BANF1: variants seen among roughly 807,000 people sequenced by gnomAD.
BANF1 encodes the protein barrier to autointegration nuclear assembly factor 1.
For missense variants in BANF1, 47 were observed against 110.4 expected, an observed-to-expected ratio of 0.43 and a Z score of 2.57; for synonymous variants, 49 against 43.7, an observed-to-expected ratio of 1.12 and a Z score of -0.48.
rs1856075263 is a variant in BANF1 at position 66,003,888 on chromosome 11, G to A, written c.*116G>A. The A allele has an allele frequency of 2.1e-6, 3 of 1,447,630 alleles. No individual in the cohort carries two copies. Among genetic ancestry groups the A allele is most frequent in the Admixed American group, 1.9e-5 (1 of 53,034 alleles). 89.7% of individuals were successfully genotyped at this position (1,447,630 alleles called of 1,614,324 possible). ...TGCTATTGTCGTACTCACCTCCGACGTACTCCGGGGTCTTTTGGGAGTTTT... is the reference window on the plus strand; with the variant it reads ...TGCTATTGTCGTACTCACCTCCGACATACTCCGGGGTCTTTTGGGAGTTTT... On this transcript the variant is annotated 3_prime_UTR_variant, in exon 3 of 3. Coordinates refer to ENST00000312175, the MANE Select transcript of BANF1 (RefSeq NM_003860.4).
rs1856032670 is a variant in BANF1 at position 66,002,837 on chromosome 11, T to A, written c.-17+267T>A. On this transcript the variant is annotated intron_variant, in intron 1 of 2. Coordinates refer to ENST00000312175, the MANE Select transcript of BANF1 (RefSeq NM_003860.4). ...AGCGCTAGGTGTGCGCTTCGCCCTG[T>A]AGGTAGAGAGACCCTTTGGTTAGCT... 27 of 289,302 alleles carry A rather than the reference T, an allele frequency of 9.3e-5. 1 individual carries two copies. Among genetic ancestry groups the A allele is most frequent in the South Asian group, 8.4e-4 (27 of 32,004 alleles). 17.9% of individuals were successfully genotyped at this position (289,302 alleles called of 1,614,324 possible).
chr11:66,003,822 C>T lies in BANF1; in HGVS notation c.*50C>T, dbSNP rs779603619. 8.7e-6 allele frequency: 14 copies of T among 1,611,650 alleles called. 1 individual carries two copies. In the Middle Eastern group the frequency reaches 2.0e-3, roughly 236 times the overall value. ...CCAGCCCTCATCCAGAGTTTGCAGC[C>T]GAGTAGGGACTCCTCCCCTGTCCTC... On this transcript the variant is annotated 3_prime_UTR_variant, in exon 3 of 3. Coordinates refer to ENST00000312175, the MANE Select transcript of BANF1 (RefSeq NM_003860.4).
chr11:66,003,471 T>A, intron 2 of BANF1, 98 bp downstream of exon 2: 1 of 1,608,294 alleles, frequency 6.2e-7, no homozygotes, highest in Non-Finnish European at 8.5e-7. Context: ...CTGAAGAGGC[T>A]GCCAGAGCCT....
Position 66,003,685 on chromosome 11 carries a change from A to G in BANF1, c.183A>G (p.Glu61=), listed in dbSNP as rs780893705. The change falls in exon 3 of 3, where the codon GAA becomes GAG. Residue 61 remains glutamate, a synonymous_variant. Coordinates refer to ENST00000312175, the MANE Select transcript of BANF1 (RefSeq NM_003860.4). ...AGAAAGATGAAGACCTCTTCCGGGA[A>G]TGGCTGAAAGACACTTGTGGCGCCA... ...VLKKDEDLFR[E]WLKDTCGANA... 2.5e-6 allele frequency: 4 copies of G among 1,614,050 alleles called. No homozygotes were observed. The highest frequency in any genetic ancestry group is 1.3e-5 in the African/African-American group (1 of 75,004).
chr11:66,003,683 G>C lies in BANF1; in HGVS notation c.181G>C (p.Glu61Gln). 3 of 1,614,092 alleles carry C rather than the reference G, an allele frequency of 1.9e-6. No individual in the cohort carries two copies. Among genetic ancestry groups the C allele is most frequent in the Non-Finnish European group, 2.5e-6 (3 of 1,180,028 alleles). ...VLKKDEDLFR[E>Q]WLKDTCGANA... ...AAAGAAAGATGAAGACCTCTTCCGGGAATGGCTGAAAGACACTTGTGGCGC... is the reference window on the plus strand; with the variant it reads ...AAAGAAAGATGAAGACCTCTTCCGGCAATGGCTGAAAGACACTTGTGGCGC... Residue 61 changes from glutamate (E) to glutamine (Q), a missense_variant, in exon 3 of 3, where the codon GAA (glutamate) becomes CAA (glutamine). Physicochemically the swap from Glu to Gln is conservative, Grantham distance 29 (BLOSUM62 2). Transcript: ENST00000312175.
At chr11:66,003,056 C>A in intron 1 of BANF1, 179 bp from the exon 2 acceptor site, 1 of 672,610 alleles carries the variant, frequency 1.5e-6, no homozygotes. Context: ...CAGGAAGAAA[C>A]TCCTCTTAAA....
chr11:66,003,107 C>T lies in BANF1; in HGVS notation c.-16-128C>T. 3 of 962,712 alleles carry T rather than the reference C, an allele frequency of 3.1e-6. No homozygotes were observed. The South Asian group carries it at 4.2e-5, about 13-fold the overall frequency. The allele number at this position is 962,712 out of a possible 1,614,324, so 59.6% of individuals were successfully genotyped here. On this transcript the variant is annotated intron_variant, in intron 1 of 2. Coordinates refer to ENST00000312175, the MANE Select transcript of BANF1 (RefSeq NM_003860.4). ...TCTCCCTGGAACTGTTTTCTCCTTT[C>T]AGGATGAGGGGGATCGAGCAAGCCA...
intron 2 of BANF1, 69 bp from the exon 3 acceptor site, chr11:66,003,557 A>ATGGC: frequency 6.2e-7 from 1 of 1,610,430 alleles, no homozygotes; most frequent in Non-Finnish European, 8.5e-7. Flanking sequence ...TGGCACAGGA[A>ATGGC]TGGCTGTCTT....
chr11:66,003,964 C>G lies in BANF1; in HGVS notation c.*192C>G. ...TTGGATTCTCGCTCTTGCATGCCTC[C>G]CCCGTCCTTTTTCCCTTGCCAGTTC... On this transcript the variant is annotated 3_prime_UTR_variant, in exon 3 of 3. Coordinates refer to ENST00000312175, the MANE Select transcript of BANF1 (RefSeq NM_003860.4). 1.4e-6 allele frequency: 1 copy of G among 691,080 alleles called. No individual in the cohort carries two copies. Among genetic ancestry groups the G allele is most frequent in the Non-Finnish European group, 2.4e-6 (1 of 420,182 alleles). 42.8% of individuals were successfully genotyped at this position (691,080 alleles called of 1,614,324 possible). A position where few individuals can be genotyped will look rare whatever the true frequency, so the allele number is the denominator to read the frequency against.
At chr11:66,003,151 C>T (rs1449100732) in intron 1 of BANF1, 84 bp from the exon 2 acceptor site, 10 of 1,499,558 alleles carry the variant, frequency 6.7e-6, no homozygotes, top group Admixed American at 1.8e-5. Flanking sequence ...CCTGGCTTGG[C>T]TTCCTCTTAC....
chr11:66,002,863 T>C, intron 1 of BANF1: 2 of 326,386 alleles, frequency 6.1e-6, no homozygotes, highest in East Asian at 1.6e-4. Flanking sequence ...TTGGTTAGCT[T>C]TCCACGCCAA....
Position 66,003,025 on chromosome 11 carries a change from A to C in BANF1, c.-16-210A>C, listed in dbSNP as rs531414893. ...GGCAGGATCGTTTTTCCTCTGGGGC[A>C]AGATCAAAATCCAGGTCCTGCAGGA... On this transcript the variant is annotated intron_variant, in intron 1 of 2. Transcript: ENST00000312175. 32 of 570,888 alleles carry C rather than the reference A, an allele frequency of 5.6e-5. No homozygotes were observed. The African/African-American group carries it at 5.8e-4, about 10-fold the overall frequency. The allele number at this position is 570,888 out of a possible 1,614,324, so 35.4% of individuals were successfully genotyped here.
intron 1 of BANF1, chr11:66,002,960 T>C (rs1856038928): frequency 4.5e-6 from 2 of 440,140 alleles, no homozygotes; most frequent in Non-Finnish European, 8.4e-6. Flanking sequence ...GGCTACGGAC[T>C]CTGGGCATCT....
rs760245072 is a variant in BANF1, at chr11:66,003,231, C to T, written c.-16-4C>T. 3.1e-6 allele frequency: 5 copies of T among 1,612,284 alleles called. No individual in the cohort carries two copies. Among genetic ancestry groups the T allele is most frequent in the East Asian group, 2.2e-5 (1 of 44,862 alleles). ...CTAATCTGCCTTTTTTTTGGGATTC[C>T]TAGATTAAGCCTGATCAAGATGACA... On this transcript the variant is annotated splice_polypyrimidine_tract_variant and splice_region_variant and intron_variant, in intron 1 of 2. Transcript: ENST00000312175.
chr11:66,003,594 C>A (rs1350002111), intron 2 of BANF1, 32 bp from the exon 3 acceptor site: 2 of 1,613,690 alleles, frequency 1.2e-6, no homozygotes, highest in Non-Finnish European at 1.7e-6. Context: ...GAGCACTGAG[C>A]AGCACGCTCC....
rs1856048013 is a variant in BANF1 at position 66,003,182 on chromosome 11, C to G, written c.-16-53C>G. 3 of 1,598,474 alleles carry G rather than the reference C, an allele frequency of 1.9e-6. No individual in the cohort carries two copies. In the South Asian group the frequency reaches 3.3e-5, roughly 18 times the overall value. ...CTTACTATGAGATTGCTCGTGGGCC[C>G]TTAGAAGTTCCAGGTCTTCAGCCCT... is the stretch of plus-strand genomic sequence containing the variant. On this transcript the variant is annotated intron_variant, in intron 1 of 2. Coordinates refer to ENST00000312175, the MANE Select transcript of BANF1 (RefSeq NM_003860.4).
Position 66,003,717 on chromosome 11 carries a change from A to G in BANF1, c.215A>G (p.Lys72Arg), listed in dbSNP as rs140412018. The G allele has an allele frequency of 6.8e-6, 11 of 1,614,022 alleles. No homozygotes were observed. Among genetic ancestry groups the G allele is most frequent in the Admixed American group, 1.7e-5 (1 of 59,998 alleles). The change falls in exon 3 of 3, where the codon AAG becomes AGG. Residue 72 changes from lysine to arginine, a missense_variant. Coordinates refer to ENST00000312175, the MANE Select transcript of BANF1 (RefSeq NM_003860.4). ...WLKDTCGANA[K>R]QSRDCFGCLR... ...AAAGACACTTGTGGCGCCAACGCCA[A>G]GCAGTCCCGGGACTGCTTCGGATGC...
Position 66,003,579 on chromosome 11 carries a change from TCACTGAG to T in BANF1, c.124-37_124-31del, listed in dbSNP as rs56984820. ...GGAATGGCTGTCTTGCTCTTATCTCTCACTGAGCACTGAGCAGCACGCTCCTTCCTTT... is the reference window on the plus strand; with the variant it reads ...GGAATGGCTGTCTTGCTCTTATCTCTCACTGAGCAGCACGCTCCTTCCTTT... On this transcript the variant is annotated intron_variant, in intron 2 of 2. Coordinates refer to ENST00000312175, the MANE Select transcript of BANF1 (RefSeq NM_003860.4). The T allele has an allele frequency of 0.46, 738,581 of 1,612,380 alleles. 172,060 individuals are homozygous for T. Among genetic ancestry groups the T allele is most frequent in the Admixed American group, 0.63 (37,995 of 59,856 alleles).
rs1292789949 is a variant in BANF1 at position 66,003,946 on chromosome 11, C to G, written c.*174C>G. The G allele has an allele frequency of 2.4e-6, 2 of 837,984 alleles. No individual in the cohort carries two copies. Among genetic ancestry groups the G allele is most frequent in the African/African-American group, 3.4e-5 (2 of 58,382 alleles). The allele number at this position is 837,984 out of a possible 1,614,324, so 51.9% of individuals were successfully genotyped here. A position where few individuals can be genotyped will look rare whatever the true frequency, so the allele number is the denominator to read the frequency against. On this transcript the variant is annotated 3_prime_UTR_variant, in exon 3 of 3. Coordinates refer to ENST00000312175, the MANE Select transcript of BANF1 (RefSeq NM_003860.4). ...AACCATTTCAACTTTTTTTTGGATT[C>G]TCGCTCTTGCATGCCTCCCCCGTCC... is the stretch of plus-strand genomic sequence containing the variant.
Sources: allele counts gnomAD v4.1 joint callset, GRCh38; gene constraint gnomAD v4.1.1; transcripts MANE v1.5; gene names NCBI Gene and HGNC (gene_info 2026-07-23, HGNC 2026-07-21).